The following TANC2 variants were observed in gnomAD, a reference collection of about 807,000 sequenced individuals.
TANC2 encodes the protein tetratricopeptide repeat, ankyrin repeat and coiled-coil containing 2.
TANC2 carries 26 observed loss-of-function variants against 210.5 expected under a neutral mutation model. That is an observed-to-expected ratio of 0.12 (90% CI 0.09 to 0.17). TANC2 has a LOEUF of 0.17. Among genes scored for constraint, TANC2 ranks in the 10% least tolerant of loss-of-function variants. The pLI is 1.00. For missense variants in TANC2, 2,129 were observed against 2,608.9 expected (o/e 0.82, Z 4.01); for synonymous variants, 931 against 967.1 (o/e 0.96, Z 0.69).
At chr17:63,410,606 G>A (rs550430305) in intron 21 of TANC2, among the ~76,000 whole-genome samples, 127 of 152,072 alleles carry the variant, frequency 8.4e-4, no homozygotes, top group South Asian at 5.4e-3. Flanking sequence ...AACATTCACC[G>A]AACTCTGGTG....
At chr17:63,349,493 T>C (rs1286209348) in intron 12 of TANC2, among the ~76,000 whole-genome samples, 5 of 152,190 alleles carry the variant, frequency 3.3e-5, no homozygotes, top group African/African-American at 1.2e-4. Context: ...GGGACAGTGG[T>C]GTGCTGGTAA....
Position 63,034,799 on chromosome 17 carries a change from C to T in TANC2, c.67+25173C>T, listed in dbSNP as rs138899331. Among the ~76,000 whole-genome samples, 69 of 152,278 alleles carry T rather than the reference C, an allele frequency of 4.5e-4. 2 individuals carry two copies. The East Asian group carries it at 0.011, about 24-fold the overall frequency. ...TACAGCCTGAAGATGCACTGAATTG[C>T]AGTAATCTCATGATAAAACTTGAAT... On this transcript the variant is annotated intron_variant, in intron 2 of 27. Coordinates refer to ENST00000689528, the Ensembl canonical transcript of TANC2.
chr17:63,269,414 C>T lies in TANC2; in HGVS notation c.1159+1541C>T, dbSNP rs528644779. Among the ~76,000 whole-genome samples, 11 of 152,180 alleles carry T rather than the reference C, an allele frequency of 7.2e-5. No individual in the cohort carries two copies. In the South Asian group the frequency reaches 1.0e-3, roughly 14 times the overall value. On this transcript the variant is annotated intron_variant, in intron 9 of 27. Transcript: ENST00000689528. ...GAGACCAAATAATTGATTTGCGCCC[C>T]GACCAGAATGCACAGCCGTAATAAA...
intron 5 of TANC2, among the ~76,000 whole-genome samples, chr17:63,167,835 A>G (rs2145541176): frequency 7.2e-6 from 1 of 138,944 alleles, no homozygotes; most frequent in Non-Finnish European, 1.5e-5. Flanking sequence ...CAGTGAGCCG[A>G]GATCGCACCA....
intron 2 of TANC2, among the ~76,000 whole-genome samples, chr17:63,061,115 C>T (rs2144529263): frequency 6.6e-6 from 1 of 152,084 alleles, no homozygotes; most frequent in East Asian, 1.9e-4. Context: ...GCCTGTAATC[C>T]CAGCACTTTG....
At chr17:63,095,732 C>T (rs912229483) in intron 3 of TANC2, among the ~76,000 whole-genome samples, 7 of 152,088 alleles carry the variant, frequency 4.6e-5, no homozygotes, top group African/African-American at 9.7e-5. Flanking sequence ...ATTTTGAAAT[C>T]GCTATTTACC....
At chr17:63,217,740 A>G (rs117911736) in intron 7 of TANC2, among the ~76,000 whole-genome samples, 2,934 of 152,316 alleles carry the variant, frequency 0.019, 58 homozygotes, top group Non-Finnish European at 0.028. Flanking sequence ...TTGTTACCCT[A>G]AGAACAAACC....
At chr17:63,181,684 C>T (rs2145655069) in intron 5 of TANC2, among the ~76,000 whole-genome samples, 1 of 152,304 alleles carries the variant, frequency 6.6e-6, no homozygotes, top group East Asian at 1.9e-4. Context: ...AATATTGCCT[C>T]TCGGAATGAT....
chr17:63,342,859 A>T (rs2046284182), intron 12 of TANC2, among the ~76,000 whole-genome samples: 2 of 152,230 alleles, frequency 1.3e-5, no homozygotes, highest in Admixed American at 1.3e-4. Flanking sequence ...GCTACAAGAT[A>T]TATCTGCCTC....
chr17:63,333,833 A>G (rs2045938410), intron 11 of TANC2, among the ~76,000 whole-genome samples: 1 of 152,220 alleles, frequency 6.6e-6, no homozygotes, highest in Admixed American at 6.5e-5. Context: ...ACATCGAGGG[A>G]AGACCCCCCT....
chr17:63,383,164 A>T (rs1274834684), intron 15 of TANC2, among the ~76,000 whole-genome samples: 1 of 152,180 alleles, frequency 6.6e-6, no homozygotes, highest in Non-Finnish European at 1.5e-5. Flanking sequence ...TCTTGTACTG[A>T]TGTGGTACAT....
At chr17:63,103,772 G>T (rs949276653) in intron 4 of TANC2, among the ~76,000 whole-genome samples, 1 of 152,066 alleles carries the variant, frequency 6.6e-6, no homozygotes, top group Non-Finnish European at 1.5e-5. Context: ...TTTTAAAGTC[G>T]CACTTTTTAA....
At chr17:63,329,942 G>A (rs934303750) in intron 11 of TANC2, among the ~76,000 whole-genome samples, 1 of 152,166 alleles carries the variant, frequency 6.6e-6, no homozygotes, top group African/African-American at 2.4e-5. Flanking sequence ...CCCAAAATAG[G>A]CTGAAAGCTA....
chr17:63,340,066 A>T (rs1335528959), intron 11 of TANC2, 35 bp from the exon 12 acceptor site: 2 of 1,511,074 alleles, frequency 1.3e-6, no homozygotes, highest in East Asian at 2.3e-5. Flanking sequence ...CTTACTACTG[A>T]TAAGCCTGTT....
chr17:63,086,816 TGCTCTGTAAAAACACACCAATCAGC>T (rs879799605), intron 3 of TANC2, among the ~76,000 whole-genome samples: 4,206 of 151,920 alleles, frequency 0.028, 80 homozygotes, highest in South Asian at 0.035. Flanking sequence ...CACCAATCAG[TGCTCTGTAAAAACACACCAATCAGC>T]GCTCTGTAGC....
intron 1 of TANC2, among the ~76,000 whole-genome samples, chr17:62,983,038 A>G (rs185752062): frequency 7.9e-4 from 121 of 152,280 alleles, no homozygotes; most frequent in African/African-American, 2.7e-3. Context: ...TATTGAATTT[A>G]TAGATTGTTT....
chr17:62,997,461 C>T (rs968353963), intron 1 of TANC2, among the ~76,000 whole-genome samples: 1 of 152,094 alleles, frequency 6.6e-6, no homozygotes, highest in Non-Finnish European at 1.5e-5. Flanking sequence ...ATAGCATTTA[C>T]TTTAAATATA....
chr17:63,378,448 A>G (rs73327718), intron 14 of TANC2, among the ~76,000 whole-genome samples: 3,432 of 152,286 alleles, frequency 0.023, 156 homozygotes, highest in African/African-American at 0.078. Flanking sequence ...ACAGAAATCT[A>G]TTACCTCATA....
At chr17:63,218,809 G>A (rs1398593786) in intron 7 of TANC2, among the ~76,000 whole-genome samples, 2 of 152,002 alleles carry the variant, frequency 1.3e-5, no homozygotes, top group East Asian at 1.9e-4. Context: ...CAGGAGAATC[G>A]CTAGAACCCA....
Sources: gnomAD v4.1 joint callset for allele counts (sites outside exome capture counted in the v4.1 genomes callset) on GRCh38, gnomAD v4.1.1 for gene constraint, MANE v1.5 for transcripts, NCBI Gene and HGNC (gene_info 2026-07-23, HGNC 2026-07-21) for gene names.